The following OASL variants were observed in gnomAD, a reference collection of about 807,000 sequenced individuals.
The protein encoded by OASL is 2'-5'-oligoadenylate synthase-like protein.
A neutral mutation model predicts 35.3 loss-of-function variants in OASL; 28 were observed. The observed-to-expected ratio is 0.79, with a 90% CI of 0.59 to 1.09. The LOEUF (loss-of-function observed/expected upper bound fraction) is 1.09. Among genes scored for constraint, OASL ranks in the 50% least tolerant of loss-of-function variants. The pLI, the probability that OASL is intolerant of heterozygous loss-of-function variation, is 0.00. For missense variants in OASL, 620 were observed against 635.2 expected (o/e 0.98, Z 0.26); for synonymous variants, 252 against 254.6 (o/e 0.99, Z 0.10).
chr12:121,033,576 C>T (rs1290848214), exon 2 of OASL: 12 of 1,614,180 alleles, frequency 7.4e-6, no homozygotes, highest in Non-Finnish European at 1.0e-5. Context: ...GGTCCTCGAG[C>T]CCGAGGTCCA....
At chr12:121,025,935 AGTCCT>A (rs1401727278) in intron 4 of OASL, among the ~76,000 whole-genome samples, 1 of 152,122 alleles carries the variant, frequency 6.6e-6, no homozygotes, top group African/African-American at 2.4e-5. Context: ...TCCCTAAAAC[AGTCCT>A]GCCTGAAAGT....
At chr12:121,032,419 C>T (rs926061465) in intron 2 of OASL, among the ~76,000 whole-genome samples, 1 of 152,158 alleles carries the variant, frequency 6.6e-6, no homozygotes. Flanking sequence ...TTACTTCAAA[C>T]ACCTAGGACT....
In OASL at chr12:121,024,134, G is replaced by C. The variant is rs766429407; in HGVS notation, c.903C>G (p.Pro301=). 7 of 1,613,912 alleles carry C rather than the reference G, an allele frequency of 4.3e-6. No homozygotes were observed. Among genetic ancestry groups the C allele is most frequent in the Middle Eastern group, 3.3e-4 (2 of 6,062 alleles). ...TGGGGTCGGCCGGATCCAGGATGAT[G>C]GGCCTGTAACACAGGAAAAGGGTGC... The change falls in exon 5 of 6, where the codon CCC becomes CCG. Residue 301 remains proline, a synonymous_variant. Coordinates refer to ENST00000257570, the Ensembl canonical transcript of OASL.
chr12:121,025,297 C>T (rs988806363), intron 4 of OASL, among the ~76,000 whole-genome samples: 3 of 152,108 alleles, frequency 2.0e-5, no homozygotes, highest in East Asian at 3.9e-4. Flanking sequence ...TAAGTTCTTA[C>T]AGCCAGTAGA....
chr12:121,027,672 A>G lies in OASL; in HGVS notation c.803T>C (p.Leu268Pro), dbSNP rs568742869. ...GTAGATACAGATGACTTCATACTCC[A>G]GGAGCAGGTCCATCACAGTGGTGAA... Residue 268 changes from leucine to proline, a missense_variant, in exon 4 of 6, where the codon CTG becomes CCG. Leu to Pro is a moderately conservative substitution (Grantham distance 98, BLOSUM62 -3). Transcript: ENST00000257570. 4.3e-6 allele frequency: 7 copies of G among 1,614,246 alleles called. No individual in the cohort carries two copies. The East Asian group carries it at 1.6e-4, about 36-fold the overall frequency.
At chr12:121,025,047 C>T (rs1869424218) in intron 4 of OASL, among the ~76,000 whole-genome samples, 1 of 138,786 alleles carries the variant, frequency 7.2e-6, no homozygotes, top group Non-Finnish European at 1.5e-5. Context: ...GGTGCAATCT[C>T]GGCTCACTGC....
At chr12:121,039,185 G>T in exon 1 of OASL, 1 of 574,356 alleles carries the variant, frequency 1.7e-6, no homozygotes, top group East Asian at 2.8e-5. Context: ...GGCACAGGAG[G>T]ACTCTGGGCT....
At chr12:121,021,945 T>G (rs886073200) in intron 5 of OASL, among the ~76,000 whole-genome samples, 1 of 152,230 alleles carries the variant, frequency 6.6e-6, no homozygotes, top group Admixed American at 6.5e-5. Flanking sequence ...GGCCTTGCCC[T>G]GTCACCTCAG....
At chr12:121,024,751 G>A (rs935348317) in intron 4 of OASL, among the ~76,000 whole-genome samples, 2 of 152,112 alleles carry the variant, frequency 1.3e-5, no homozygotes, top group Non-Finnish European at 2.9e-5. Flanking sequence ...CTGTACCTTC[G>A]GAGCAGGTTT....
chr12:121,019,657 C>G (rs1343894410), exon 6 of OASL: 5 of 152,058 alleles, frequency 3.3e-5, no homozygotes, highest in African/African-American at 1.2e-4. Flanking sequence ...AGCATTAGGC[C>G]CTGTGGAAAT....
intron 4 of OASL, among the ~76,000 whole-genome samples, chr12:121,026,414 A>G (rs1217459574): frequency 6.6e-6 from 1 of 152,214 alleles, no homozygotes; most frequent in African/African-American, 2.4e-5. Flanking sequence ...ATCCCCAGAT[A>G]AGGATTTGGC....
chr12:121,029,666 C>T lies in OASL; in HGVS notation c.657+1776G>A, dbSNP rs573835759. ...TTGCGCCACTGCATTCCAGCCTGGG[C>T]GACAGAGCAAGACTCTGTCTCAAAA... On this transcript the variant is annotated intron_variant, in intron 3 of 5. Transcript: ENST00000257570. Among the ~76,000 whole-genome samples, 21 of 151,192 alleles carry T rather than the reference C, an allele frequency of 1.4e-4. No homozygotes were observed. The East Asian group carries it at 2.5e-3, about 18-fold the overall frequency.
At chr12:121,023,872 T>C (rs1409215566) in intron 5 of OASL, 118 bp downstream of exon 5, 1 of 1,290,132 alleles carries the variant, frequency 7.8e-7, no homozygotes, top group African/African-American at 1.5e-5. Context: ...AGCTGGCCCT[T>C]AAACGGTGAC....
chr12:121,035,992 G>A (rs1869940022), intron 1 of OASL, among the ~76,000 whole-genome samples: 1 of 152,142 alleles, frequency 6.6e-6, no homozygotes, highest in Non-Finnish European at 1.5e-5. Context: ...GGAGTAGCTG[G>A]AACTACAGGC....
At chr12:121,031,832 G>A (rs776586244) in intron 2 of OASL, among the ~76,000 whole-genome samples, 5 of 152,060 alleles carry the variant, frequency 3.3e-5, no homozygotes, top group Non-Finnish European at 7.4e-5. Flanking sequence ...CCATGCATCA[G>A]ACCCCTCCCT....
intron 4 of OASL, among the ~76,000 whole-genome samples, chr12:121,024,943 T>C (rs984287169): frequency 6.7e-6 from 1 of 150,310 alleles, no homozygotes; most frequent in Non-Finnish European, 1.5e-5. Flanking sequence ...GTTGTGGTTG[T>C]CCCCTTTTTA....
In OASL at chr12:121,038,714, G is replaced by C; in HGVS notation, c.198+60C>G. On this transcript the variant is annotated intron_variant, in intron 1 of 5. Transcript: ENST00000257570. ...GGACAGGGGTCCCCAGCATCCCCAG[G>C]GACGTGGACTCTGATACTGGGTTTT... 3 of 1,559,220 alleles carry C rather than the reference G, an allele frequency of 1.9e-6. No homozygotes were observed. The South Asian group carries it at 3.3e-5, about 17-fold the overall frequency.
At chr12:121,028,738 A>G (rs1592935810) in intron 3 of OASL, among the ~76,000 whole-genome samples, 1 of 151,772 alleles carries the variant, frequency 6.6e-6, no homozygotes, top group East Asian at 1.9e-4. Context: ...AAAAGGAAGC[A>G]TCTTAACTGA....
intron 5 of OASL, among the ~76,000 whole-genome samples, chr12:121,023,214 T>C (rs1476053255): frequency 1.3e-5 from 2 of 152,120 alleles, no homozygotes; most frequent in African/African-American, 4.8e-5. Flanking sequence ...TTTGTGTAAG[T>C]TTGTTTCATG....
Sources: gnomAD v4.1 joint callset for allele counts (sites outside exome capture counted in the v4.1 genomes callset) on GRCh38, gnomAD v4.1.1 for gene constraint, MANE v1.5 for transcripts, NCBI Gene and HGNC (gene_info 2026-07-23, HGNC 2026-07-21) for gene names.